The following TAOK3 variants were observed in gnomAD, a reference collection of about 807,000 sequenced individuals.
The protein encoded by TAOK3 is serine/threonine-protein kinase TAO3.
TAOK3 carries 40 observed loss-of-function variants against 120.4 expected under a neutral mutation model. The observed-to-expected ratio is 0.33, with a 90% CI of 0.26 to 0.43. The LOEUF is 0.43. TAOK3 is among the 20% of genes least tolerant of loss of function. The pLI, the probability that TAOK3 is intolerant of heterozygous loss-of-function variation, is 1.00. For synonymous variants in TAOK3, 355 were observed against 387.5 expected, an observed-to-expected ratio of 0.92 and a Z score of 0.99; for missense variants, 821 against 1,112.1, an observed-to-expected ratio of 0.74 and a Z score of 3.72.
In TAOK3 at chr12:118,371,387, G is replaced by T. The variant is rs1016336690; in HGVS notation, c.-194+1261C>A. ...CTAAGGAACGAATGCGAAGCCAGCG[G>T]GCCAGTGAGAAGAGGTCAGGCCGCG... On this transcript the variant is annotated intron_variant, in intron 1 of 20. Coordinates refer to ENST00000392533, the MANE Select transcript of TAOK3 (RefSeq NM_016281.4). This position sits in a 1 kb window ranked among gnomAD's most constrained non-coding sequence, Gnocchi z 5.5. Among the ~76,000 whole-genome samples, 2 of 152,132 alleles carry T rather than the reference G, an allele frequency of 1.3e-5. No individual in the cohort carries two copies. The highest frequency in any genetic ancestry group is 4.8e-5 in the African/African-American group (2 of 41,432).
chr12:118,305,686 C>T (rs1374731535), intron 1 of TAOK3, among the ~76,000 whole-genome samples: 1 of 152,030 alleles, frequency 6.6e-6, no homozygotes, highest in East Asian at 1.9e-4. Context: ...GGGCAGATCA[C>T]TTGAGGTCAG....
intron 17 of TAOK3, among the ~76,000 whole-genome samples, chr12:118,163,483 G>T (rs2035361826): frequency 6.7e-6 from 1 of 149,212 alleles, no homozygotes. Context: ...GTCTCACTAT[G>T]TTGCCCAGGT....
chr12:118,150,868 C>CAGTAAG lies in TAOK3; in HGVS notation c.*123_*128dup. 1 of 1,003,232 alleles carries CAGTAAG rather than the reference C, an allele frequency of 1.0e-6. No individual in the cohort carries two copies. Among genetic ancestry groups the CAGTAAG allele is most frequent in the South Asian group, 1.7e-5 (1 of 57,642 alleles). The allele number at this position is 1,003,232 out of a possible 1,614,324, so 62.1% of individuals were successfully genotyped here. A position where few individuals can be genotyped will look rare whatever the true frequency, so the allele number is the denominator to read the frequency against. On this transcript the variant is annotated 3_prime_UTR_variant, in exon 21 of 21. Transcript: ENST00000392533. ...AACAGGCACTAGTCCGACACGATGTCAGTAAGAGTAAGAGAGAGAGAGAGT... is the reference window on the plus strand; with the variant it reads ...AACAGGCACTAGTCCGACACGATGTCAGTAAGAGTAAGAGTAAGAGAGAGAGAGAGT...
intron 19 of TAOK3, chr12:118,152,706 A>AC: frequency 3.3e-6 from 1 of 305,740 alleles, no homozygotes; most frequent in Non-Finnish European, 6.1e-6. Flanking sequence ...AATTACAGCT[A>AC]CACCATCCAC....
intron 1 of TAOK3, among the ~76,000 whole-genome samples, chr12:118,346,947 G>T (rs1191334400): frequency 1.3e-5 from 2 of 152,030 alleles, no homozygotes; most frequent in African/African-American, 4.8e-5. Flanking sequence ...ATATGCATTC[G>T]TCTTCCTCCT....
chr12:118,351,999 G>A (rs1364684459), intron 1 of TAOK3, among the ~76,000 whole-genome samples: 4 of 148,684 alleles, frequency 2.7e-5, no homozygotes, highest in East Asian at 2.1e-4. Flanking sequence ...TCAGCCTCCC[G>A]AGTAGCTGGG....
chr12:118,259,281 C>T (rs2041122092), intron 2 of TAOK3, among the ~76,000 whole-genome samples: 1 of 152,136 alleles, frequency 6.6e-6, no homozygotes, highest in Admixed American at 6.6e-5. Flanking sequence ...CACGGTGACT[C>T]ATGTCTGTAA....
intron 1 of TAOK3, among the ~76,000 whole-genome samples, chr12:118,334,223 A>G (rs1428543425): frequency 1.3e-5 from 2 of 152,110 alleles, no homozygotes. Context: ...TCTAATGTCC[A>G]TCAATGGATG....
At chr12:118,219,044 C>T (rs1023380468) in intron 9 of TAOK3, among the ~76,000 whole-genome samples, 2 of 152,196 alleles carry the variant, frequency 1.3e-5, no homozygotes, top group African/African-American at 2.4e-5. Flanking sequence ...GGCCAAAGTC[C>T]AAATCCTTAA....
At chr12:118,272,616 A>T (rs1177774784) in intron 1 of TAOK3, among the ~76,000 whole-genome samples, 3 of 152,124 alleles carry the variant, frequency 2.0e-5, no homozygotes, top group Non-Finnish European at 4.4e-5. Flanking sequence ...TTTTATACTC[A>T]ATCTCAGAAA....
chr12:118,317,944 T>C (rs1326497427), intron 1 of TAOK3, among the ~76,000 whole-genome samples: 1 of 151,780 alleles, frequency 6.6e-6, no homozygotes, highest in African/African-American at 2.4e-5. Context: ...GGAATAGAAC[T>C]GACAGCCCAG....
chr12:118,309,172 T>C (rs1421575488), intron 1 of TAOK3, among the ~76,000 whole-genome samples: 2 of 151,154 alleles, frequency 1.3e-5, no homozygotes, highest in Non-Finnish European at 2.9e-5. Flanking sequence ...CTACTACAAA[T>C]ACAAAAATAA....
Position 118,317,443 on chromosome 12 carries a change from C to T in TAOK3, c.-193-50684G>A, listed in dbSNP as rs964218787. 2.8e-4 allele frequency among the ~76,000 whole-genome samples: 43 copies of T among 151,616 alleles called. 2 individuals are homozygous for T. The highest frequency in any genetic ancestry group is 2.0e-4 in the East Asian group (1 of 5,082). On this transcript the variant is annotated intron_variant, in intron 1 of 20. Transcript: ENST00000392533. The stretch of plus-strand genomic sequence containing the variant: ...CCTCCAGAGTAGCTGGGACTACAGG[C>T]GCCTGCCACCACGCCAAGCTAATTT...
intron 1 of TAOK3, chr12:118,295,382 C>T (rs2042640777): frequency 1.3e-5 from 2 of 152,070 alleles, no homozygotes; most frequent in Non-Finnish European, 2.9e-5. Flanking sequence ...CCTTGGTTTC[C>T]TTGTTTGACA....
At chr12:118,224,755 A>G (rs1024605841) in intron 9 of TAOK3, among the ~76,000 whole-genome samples, 41 of 152,334 alleles carry the variant, frequency 2.7e-4, no homozygotes, top group African/African-American at 9.6e-4. Flanking sequence ...CAGTGTCAGT[A>G]ACACTATCAT....
At chr12:118,246,278 G>T in intron 3 of TAOK3, 4 of 1,544,440 alleles carry the variant, frequency 2.6e-6, no homozygotes, top group Non-Finnish European at 2.7e-6. Context: ...CCGTCACCAA[G>T]TTGGGCCGCT....
chr12:118,213,021 A>G, intron 10 of TAOK3, 26 bp from the exon 11 acceptor site: 1 of 1,514,512 alleles, frequency 6.6e-7, no homozygotes, highest in East Asian at 2.3e-5. Context: ...CACAAAAGAA[A>G]ATAAACTCAG....
intron 2 of TAOK3, among the ~76,000 whole-genome samples, chr12:118,266,363 T>G (rs1208180188): frequency 6.6e-6 from 1 of 151,384 alleles, no homozygotes; most frequent in East Asian, 2.0e-4. Flanking sequence ...CGGCTAATTT[T>G]TTTTTTTTTT....
intron 1 of TAOK3, among the ~76,000 whole-genome samples, chr12:118,358,046 C>T (rs886551654): frequency 1.3e-5 from 2 of 152,126 alleles, no homozygotes; most frequent in Non-Finnish European, 2.9e-5. Context: ...ACATGTTAGC[C>T]TATGCATTTT....
Sources: allele counts gnomAD v4.1 joint callset (sites outside exome capture counted in the v4.1 genomes callset), GRCh38; gene constraint gnomAD v4.1.1; non-coding constraint Gnocchi (gnomAD v3.1); transcripts MANE v1.5; gene names NCBI Gene and HGNC (gene_info 2026-07-23, HGNC 2026-07-21).